TRAF2: variants seen among roughly 807,000 people sequenced by gnomAD.
TRAF2 encodes the protein TNF receptor-associated factor 2.
TRAF2 carries 6 observed loss-of-function variants against 55.6 expected under a neutral mutation model. The ratio of observed to expected loss-of-function variants is 0.11; its 90% CI spans 0.06 to 0.21. TRAF2 has a LOEUF of 0.21. Ranked by LOEUF, TRAF2 falls within the 10% of genes least tolerant of loss-of-function variation. The pLI, the probability that TRAF2 is intolerant of heterozygous loss-of-function variation, is 1.00. For missense variants in TRAF2, 561 were observed against 684.5 expected (o/e 0.82, Z 2.01); for synonymous variants, 329 against 276.3 (o/e 1.19, Z -1.89).
intron 6 of TRAF2, among the ~76,000 whole-genome samples, chr9:136,915,985 TG>T (rs1366058351): frequency 1.3e-5 from 2 of 152,054 alleles, no homozygotes; most frequent in Non-Finnish European, 2.9e-5. Context: ...AGGAGGAACT[TG>T]GGGTTCATGT....
At chr9:136,911,077 G>C (rs547668429) in intron 6 of TRAF2, among the ~76,000 whole-genome samples, 34 of 152,332 alleles carry the variant, frequency 2.2e-4, no homozygotes, top group African/African-American at 7.9e-4. Flanking sequence ...GTCTGTGTCA[G>C]CCCTTGTCTG....
chr9:136,902,084 C>T (rs758687281), intron 4 of TRAF2: 11 of 152,276 alleles, frequency 7.2e-5, no homozygotes, highest in Non-Finnish European at 1.5e-4. Context: ...TAGAGTGAGA[C>T]TCCTACCTCT....
At chr9:136,909,179 G>T (rs1048831440) in intron 5 of TRAF2, among the ~76,000 whole-genome samples, 5 of 134,602 alleles carry the variant, frequency 3.7e-5, no homozygotes, top group Non-Finnish European at 8.1e-5. Flanking sequence ...CCTGGGCTTT[G>T]CTCTCAAGAC....
intron 7 of TRAF2, among the ~76,000 whole-genome samples, chr9:136,918,432 G>C (rs1167445492): frequency 6.6e-6 from 1 of 151,632 alleles, no homozygotes; most frequent in African/African-American, 2.4e-5. Context: ...TGTGATCACA[G>C]CTGTGTGCCA....
chr9:136,897,575 T>C (rs1280993340), intron 1 of TRAF2, among the ~76,000 whole-genome samples: 9 of 147,466 alleles, frequency 6.1e-5, no homozygotes, highest in Non-Finnish European at 1.0e-4. Context: ...CCAGGTGTGC[T>C]ACGTTCCGCT....
At position 136,898,874 on chromosome 9, in the gene TRAF2, T is replaced by A. The variant is rs1849749336; in HGVS notation, c.134T>A (p.Phe45Tyr). The change falls in exon 2 of 11, where the codon TTC becomes TAC. Residue 45 changes from phenylalanine to tyrosine, a missense_variant. Coordinates refer to ENST00000247668, the MANE Select transcript of TRAF2 (RefSeq NM_021138.4). Reference sequence around the variant, plus strand: ...TGCAGAAACGTCCTCCGCAGGCCCTTCCAGGCGCAGTGTGGCCACCGGTAC... The same window carrying A: ...TGCAGAAACGTCCTCCGCAGGCCCTACCAGGCGCAGTGTGGCCACCGGTAC... ...SACRNVLRRP[F>Y]QAQCGHRYCS... 6.2e-7 allele frequency: 1 copy of A among 1,613,096 alleles called. No individual in the cohort carries two copies. Among genetic ancestry groups the A allele is most frequent in the Non-Finnish European group, 8.5e-7 (1 of 1,179,892 alleles).
chr9:136,919,042 A>ATATATATT (rs149167081), intron 7 of TRAF2, among the ~76,000 whole-genome samples: 8 of 138,384 alleles, frequency 5.8e-5, no homozygotes, highest in African/African-American at 1.9e-4. Context: ...GCCTATTTTA[A>ATATATATT]TATTTATTTA....
At chr9:136,915,303 C>T (rs1049625855) in intron 6 of TRAF2, among the ~76,000 whole-genome samples, 12 of 152,142 alleles carry the variant, frequency 7.9e-5, no homozygotes, top group African/African-American at 1.4e-4. Context: ...GCCGTGCGGT[C>T]GTTCAGAAAT....
intron 1 of TRAF2, among the ~76,000 whole-genome samples, chr9:136,893,103 G>A (rs1298691176): frequency 2.6e-5 from 4 of 152,078 alleles, no homozygotes; most frequent in African/African-American, 4.8e-5. Flanking sequence ...AGTTTGCCAC[G>A]GCTGGTATGC....
At chr9:136,914,896 AAG>A (rs942680433) in intron 6 of TRAF2, among the ~76,000 whole-genome samples, 1 of 152,046 alleles carries the variant, frequency 6.6e-6, no homozygotes, top group Non-Finnish European at 1.5e-5. Context: ...TAAAAAAAAA[AAG>A]GCCGGGTGCG....
At chr9:136,923,527 C>T (rs1286050037) in intron 9 of TRAF2, among the ~76,000 whole-genome samples, 1 of 147,394 alleles carries the variant, frequency 6.8e-6, no homozygotes, top group Non-Finnish European at 1.5e-5. Flanking sequence ...AGGAGAATCG[C>T]TTGATCCCAG....
chr9:136,900,418 C>G lies in TRAF2; in HGVS notation c.268-4C>G. ...TTTAACCCGAGGGATATTCCTCTCC[C>G]CAGGCCTTCCCAGATAATGCTGCCC... On this transcript the variant is annotated splice_polypyrimidine_tract_variant and splice_region_variant and intron_variant, in intron 3 of 10. Transcript: ENST00000247668. 1.9e-6 allele frequency: 3 copies of G among 1,589,852 alleles called. No homozygotes were observed.
At chr9:136,903,962 G>T (rs569948576) in intron 4 of TRAF2, among the ~76,000 whole-genome samples, 87 of 152,272 alleles carry the variant, frequency 5.7e-4, no homozygotes, top group African/African-American at 2.0e-3. Context: ...GATTACAGGC[G>T]TGAGCCACCG....
At chr9:136,918,082 A>T (rs1032601461) in intron 7 of TRAF2, among the ~76,000 whole-genome samples, 9 of 148,266 alleles carry the variant, frequency 6.1e-5, no homozygotes, top group African/African-American at 2.3e-4. Context: ...CAACAGCAGC[A>T]CTCTCTGAGA....
At chr9:136,917,844 C>T (rs2131324789) in intron 7 of TRAF2, among the ~76,000 whole-genome samples, 1 of 152,284 alleles carries the variant, frequency 6.6e-6, no homozygotes, top group East Asian at 1.9e-4. Context: ...GAAGCCCAGG[C>T]TTCCCGTGCG....
chr9:136,888,426 A>G (rs2131271615), intron 1 of TRAF2, among the ~76,000 whole-genome samples: 1 of 152,218 alleles, frequency 6.6e-6, no homozygotes, highest in South Asian at 2.1e-4. Context: ...GCGAGACTCC[A>G]TCTCAAAAAG....
At chr9:136,905,391 C>T (rs1385205557) in intron 4 of TRAF2, among the ~76,000 whole-genome samples, 1 of 152,128 alleles carries the variant, frequency 6.6e-6, no homozygotes, top group Admixed American at 6.5e-5. Context: ...TGACAGAGTC[C>T]CCGGAGTGGT....
intron 1 of TRAF2, among the ~76,000 whole-genome samples, chr9:136,897,920 G>A (rs1171664747): frequency 7.1e-6 from 1 of 141,514 alleles, no homozygotes. Flanking sequence ...TAAAGGGAGT[G>A]CACTAGCCAG....
chr9:136,916,903 T>C (rs944900500), intron 7 of TRAF2, among the ~76,000 whole-genome samples: 1 of 152,020 alleles, frequency 6.6e-6, no homozygotes, highest in African/African-American at 2.4e-5. Flanking sequence ...GGGTGTTGAG[T>C]GCACGTCTCA....
Sources: gnomAD v4.1 joint callset for allele counts (sites outside exome capture counted in the v4.1 genomes callset) on GRCh38, gnomAD v4.1.1 for gene constraint, MANE v1.5 for transcripts, NCBI Gene and HGNC (gene_info 2026-07-23, HGNC 2026-07-21) for gene names.